Variants in DCC observed in about 807,000 individuals in gnomAD.
DCC encodes DCC netrin 1 receptor.
Under a neutral mutation model 172.5 loss-of-function variants are expected in DCC, and 58 were observed. The ratio of observed to expected loss-of-function variants is 0.34; its 90% CI spans 0.27 to 0.42. The LOEUF (loss-of-function observed/expected upper bound fraction) is 0.42. DCC is among the 10% of genes least tolerant of loss of function. The probability of loss-of-function intolerance (pLI) is 1.00; values close to 1 mark genes in which losing one functional copy is unlikely to be tolerated. For synonymous variants in DCC, 709 were observed against 644.5 expected, an observed-to-expected ratio of 1.10 and a Z score of -1.52; for missense variants, 1,740 against 1,791.0, an observed-to-expected ratio of 0.97 and a Z score of 0.51.
chr18:52,642,032 A>G (rs2034907002), intron 1 of DCC, among the ~76,000 whole-genome samples: 2 of 10,272 alleles, frequency 1.9e-4, no homozygotes, highest in Middle Eastern at 0.1. Context: ...ATATATATAT[A>G]TATATATATA....
At chr18:52,448,047 C>T (rs925670686) in intron 1 of DCC, among the ~76,000 whole-genome samples, 3 of 152,144 alleles carry the variant, frequency 2.0e-5, no homozygotes, top group African/African-American at 4.8e-5. Context: ...CCCAGGGCCA[C>T]AAACTGGTAC....
At position 53,099,313 on chromosome 18, in the gene DCC, A is replaced by G. The variant is rs112686040; in HGVS notation, c.1261+33147A>G. 9.4e-3 allele frequency among the ~76,000 whole-genome samples: 1,429 copies of G among 152,136 alleles called. 30 individuals carry two copies. Among genetic ancestry groups the G allele is most frequent in the African/African-American group, 0.032 (1,329 of 41,492 alleles). ...ATTCAATGGGTTATTACCTGTTATT[A>G]TCATTCCTTATTTTGATATTCGAAT... is the stretch of plus-strand genomic sequence containing the variant. On this transcript the variant is annotated intron_variant, in intron 7 of 28. Coordinates refer to ENST00000442544, the MANE Select transcript of DCC (RefSeq NM_005215.4).
intron 1 of DCC, among the ~76,000 whole-genome samples, chr18:52,479,428 T>G (rs1313649522): frequency 1.3e-5 from 2 of 152,202 alleles, no homozygotes; most frequent in Non-Finnish European, 2.9e-5. Flanking sequence ...ATCTGTAGCC[T>G]GTAGTTTGTT....
At chr18:52,405,342 A>G in intron 1 of DCC, among the ~76,000 whole-genome samples, 1 of 142,042 alleles carries the variant, frequency 7.0e-6, no homozygotes, top group Non-Finnish European at 1.6e-5. Context: ...CTGACTTTTT[A>G]ATGATTGCCA....
intron 24 of DCC, among the ~76,000 whole-genome samples, chr18:53,460,274 GTTTTTT>G (rs766940670): frequency 1.2e-5 from 1 of 81,088 alleles, no homozygotes; most frequent in Non-Finnish European, 2.2e-5. Context: ...AGGAGCTCCT[GTTTTTT>G]TTTTTTTTTT....
intron 1 of DCC, among the ~76,000 whole-genome samples, chr18:52,651,047 G>A (rs185255210): frequency 1.3e-5 from 2 of 152,188 alleles, no homozygotes; most frequent in South Asian, 2.1e-4. Flanking sequence ...AATCCCCATG[G>A]AAGATCATCA....
At chr18:53,005,063 A>G (rs915244681) in intron 5 of DCC, among the ~76,000 whole-genome samples, 1 of 152,046 alleles carries the variant, frequency 6.6e-6, no homozygotes, top group African/African-American at 2.4e-5. Context: ...TTGCCCTTCC[A>G]CTTTTCACCA....
intron 12 of DCC, among the ~76,000 whole-genome samples, chr18:53,231,403 T>C (rs2056119286): frequency 6.6e-6 from 1 of 152,092 alleles, no homozygotes; most frequent in Admixed American, 6.6e-5. Context: ...AAAATAAATT[T>C]ATGCTTATTA....
chr18:53,282,234 G>A (rs1000063037), intron 12 of DCC, among the ~76,000 whole-genome samples: 17 of 152,164 alleles, frequency 1.1e-4, no homozygotes, highest in South Asian at 8.3e-4. Flanking sequence ...GGTGTGTTCC[G>A]TGGTTAGTAA....
chr18:53,488,006 T>G (rs2045920926), intron 26 of DCC, among the ~76,000 whole-genome samples: 2 of 152,182 alleles, frequency 1.3e-5, no homozygotes, highest in Non-Finnish European at 2.9e-5. Context: ...AAAATGAAGC[T>G]CTCTGCAACA....
At chr18:52,705,134 T>A (rs1332465288) in intron 1 of DCC, among the ~76,000 whole-genome samples, 2 of 152,236 alleles carry the variant, frequency 1.3e-5, no homozygotes, top group Non-Finnish European at 2.9e-5. Context: ...ACACCATACA[T>A]AAATGCTTGT....
At chr18:53,068,006 A>C (rs895007497) in intron 7 of DCC, among the ~76,000 whole-genome samples, 1 of 152,174 alleles carries the variant, frequency 6.6e-6, no homozygotes, top group Non-Finnish European at 1.5e-5. Context: ...AAATAAAATA[A>C]CTATAGAACA....
Position 52,825,946 on chromosome 18 carries a change from A to G in DCC, c.412+73572A>G, listed in dbSNP as rs536016323. On this transcript the variant is annotated intron_variant, in intron 2 of 28. Coordinates refer to ENST00000442544, the MANE Select transcript of DCC (RefSeq NM_005215.4). ...TTCTCCTGAGGGGGGGAAAAACAGC[A>G]GATAATATTGTTACAGGAAATCCAT... is the stretch of plus-strand genomic sequence containing the variant. Among the ~76,000 whole-genome samples, 60 of 152,352 alleles carry G rather than the reference A, an allele frequency of 3.9e-4. No homozygotes were observed. The East Asian group carries it at 0.01, about 26-fold the overall frequency.
intron 1 of DCC, among the ~76,000 whole-genome samples, chr18:52,626,876 G>C (rs1456883638): frequency 6.6e-6 from 1 of 152,070 alleles, no homozygotes; most frequent in Non-Finnish European, 1.5e-5. Flanking sequence ...ACTATTTTTT[G>C]TAAGGACAAA....
At chr18:52,890,729 G>A (rs991683873) in intron 2 of DCC, among the ~76,000 whole-genome samples, 1 of 152,022 alleles carries the variant, frequency 6.6e-6, no homozygotes, top group African/African-American at 2.4e-5. Context: ...ATATCGATAT[G>A]TGTCTCAAAT....
intron 12 of DCC, among the ~76,000 whole-genome samples, chr18:53,264,638 A>T (rs1440997579): frequency 6.6e-6 from 1 of 152,084 alleles, no homozygotes; most frequent in African/African-American, 2.4e-5. Context: ...TCCTTTCTAA[A>T]TTTGGAAAAG....
intron 1 of DCC, among the ~76,000 whole-genome samples, chr18:52,478,726 G>C (rs546873920): frequency 3.2e-4 from 48 of 152,150 alleles, no homozygotes; most frequent in Non-Finnish European, 6.8e-4. Context: ...CAGGGGAGAT[G>C]TCACAGACTT....
chr18:53,029,564 T>C (rs1053201876), intron 5 of DCC, among the ~76,000 whole-genome samples: 2 of 152,060 alleles, frequency 1.3e-5, no homozygotes, highest in African/African-American at 4.8e-5. Context: ...TACTTCTATA[T>C]TCCAGTTGCT....
intron 1 of DCC, among the ~76,000 whole-genome samples, chr18:52,529,362 C>A: frequency 6.6e-6 from 1 of 152,206 alleles, no homozygotes; most frequent in East Asian, 1.9e-4. Flanking sequence ...ACGATCTCAG[C>A]TCACTGCAAG....
Sources: gnomAD v4.1 joint callset for allele counts (sites outside exome capture counted in the v4.1 genomes callset) on GRCh38, gnomAD v4.1.1 for gene constraint, MANE v1.5 for transcripts, NCBI Gene and HGNC (gene_info 2026-07-23, HGNC 2026-07-21) for gene names.